The following BMS1 variants were observed in gnomAD, a reference collection of about 807,000 sequenced individuals.
BMS1 encodes BMS1 ribosome biogenesis factor.
In BMS1, 53 loss-of-function variants were observed where a neutral mutation model predicts 138.7. That is an observed-to-expected ratio of 0.38 (90% CI 0.31 to 0.48). The LOEUF is 0.48. Among genes scored for constraint, BMS1 ranks in the 20% least tolerant of loss-of-function variants. The probability of loss-of-function intolerance (pLI) is 0.97; values close to 1 mark genes in which losing one functional copy is unlikely to be tolerated. For synonymous variants in BMS1, 504 were observed against 539.9 expected (o/e 0.93, Z 0.92); for missense variants, 1,360 against 1,565.5 (o/e 0.87, Z 2.22).
intron 19 of BMS1, among the ~76,000 whole-genome samples, chr10:42,822,864 C>T (rs985608208): frequency 1.3e-5 from 2 of 152,216 alleles, no homozygotes; most frequent in African/African-American, 2.4e-5. Context: ...AATCCCTCTT[C>T]GATCTTCTCT....
Position 42,793,066 on chromosome 10 carries a change from G to C in BMS1, c.1011G>C (p.Ala337=), listed in dbSNP as rs781490170. ...CLNEKEKLVY[A]PLSGVGGVLY... ...ATGAGAAGGAGAAGCTGGTTTATGC[G>C]CCTCTTTCTGGAGTTGGGGGTGTGC... The change falls in exon 8 of 23, where the codon GCG becomes GCC. Residue 337 remains alanine, a synonymous_variant. Coordinates refer to ENST00000374518, the MANE Select transcript of BMS1 (RefSeq NM_014753.4). 1 of 1,613,988 alleles carries C rather than the reference G, an allele frequency of 6.2e-7. No individual in the cohort carries two copies. The highest frequency in any genetic ancestry group is 8.5e-7 in the Non-Finnish European group (1 of 1,179,956).
chr10:42,806,720 A>C (rs1564420876), intron 13 of BMS1, among the ~76,000 whole-genome samples: 1 of 146,658 alleles, frequency 6.8e-6, no homozygotes, highest in South Asian at 2.2e-4. Context: ...GGGCGACAGC[A>C]CGAGACTCCG....
intron 12 of BMS1, among the ~76,000 whole-genome samples, 189 bp from the exon 13 acceptor site, chr10:42,801,948 A>C (rs191594531): frequency 1.1e-4 from 16 of 152,300 alleles, no homozygotes; most frequent in African/African-American, 3.6e-4. Flanking sequence ...TCTGCTGCTT[A>C]ATGTGTTTTA....
intron 13 of BMS1, among the ~76,000 whole-genome samples, chr10:42,810,649 C>T (rs944667910): frequency 6.6e-6 from 1 of 152,126 alleles, no homozygotes; most frequent in Non-Finnish European, 1.5e-5. Context: ...ATTCCAGAAG[C>T]TCTTAATTAC....
At position 42,797,487 on chromosome 10, in the gene BMS1, G is replaced by A; in HGVS notation, c.2053G>A (p.Ala685Thr). The change falls in exon 11 of 23, where the codon GCA becomes ACA. Residue 685 changes from alanine to threonine, a missense_variant. Coordinates refer to ENST00000374518, the MANE Select transcript of BMS1 (RefSeq NM_014753.4). ...TGAGGCCTTTCTGAGGCAGCAGCAAGCAGCTCCAAACCTCCGAAAGCTTAT... is the reference window on the plus strand; with the variant it reads ...TGAGGCCTTTCTGAGGCAGCAGCAAACAGCTCCAAACCTCCGAAAGCTTAT... ...AAEAFLRQQQ[A>T]APNLRKLIYG... The A allele has an allele frequency of 6.2e-7, 1 of 1,614,238 alleles. No individual in the cohort carries two copies.
rs567894301 is a variant in BMS1, at chr10:42,793,757, T to G, written c.1090-95T>G. 4.5e-5 allele frequency: 62 copies of G among 1,388,444 alleles called. No individual in the cohort carries two copies. In the African/African-American group the frequency reaches 8.0e-4, roughly 18 times the overall value. The allele number at this position is 1,388,444 out of a possible 1,614,324, so 86.0% of individuals were successfully genotyped here. Reference sequence around the variant, plus strand: ...GGCATTAAGAAAGGTTCTTAGGAAATGTGTCTAAGATAATTTTGAGAAACT... The same window carrying G: ...GGCATTAAGAAAGGTTCTTAGGAAAGGTGTCTAAGATAATTTTGAGAAACT... On this transcript the variant is annotated intron_variant, in intron 8 of 22. Transcript: ENST00000374518.
intron 4 of BMS1, 128 bp downstream of exon 4, chr10:42,787,375 G>T: frequency 1.3e-6 from 1 of 758,142 alleles, no homozygotes; most frequent in East Asian, 2.6e-5. Flanking sequence ...TCAGTGATAC[G>T]GTAGATATGA....
chr10:42,784,482 C>T lies in BMS1; in HGVS notation c.88C>T (p.Gln30Ter). Residue 30 changes from glutamine to a stop codon, truncating the protein, a stop_gained, in exon 2 of 23, where the codon CAG (glutamine) becomes TAG (stop). Transcript: ENST00000374518. LOFTEE classifies it high-confidence loss of function. ...KKKKRLLQDL[Q>*]LGDEEDARKR... ...AAAGAAGCGGCTTCTGCAGGATCTC[C>T]AGCTAGGAGACGAAGAAGATGCCCG... is the stretch of plus-strand genomic sequence containing the variant. 1 of 1,613,984 alleles carries T rather than the reference C, an allele frequency of 6.2e-7. No homozygotes were observed. Among genetic ancestry groups the T allele is most frequent in the Non-Finnish European group, 8.5e-7 (1 of 1,179,864 alleles).
chr10:42,818,856 T>C (rs1415504050), intron 15 of BMS1, among the ~76,000 whole-genome samples: 1 of 152,006 alleles, frequency 6.6e-6, no homozygotes, highest in African/African-American at 2.4e-5. Context: ...GAGCAGTGCC[T>C]AGGAGGGAGA....
In BMS1 at chr10:42,830,855, G is replaced by T. The variant is rs1229911820; in HGVS notation, c.3619-11G>T. ...AGCATTCTGATACTCACCGGCTTTT[G>T]TCCTTGTCAGATCCTTGCACTGCTG... On this transcript the variant is annotated splice_polypyrimidine_tract_variant and intron_variant, in intron 22 of 22. Transcript: ENST00000374518. 6.2e-7 allele frequency: 1 copy of T among 1,602,834 alleles called. No homozygotes were observed. The highest frequency in any genetic ancestry group is 8.5e-7 in the Non-Finnish European group (1 of 1,174,418).
intron 4 of BMS1, among the ~76,000 whole-genome samples, chr10:42,788,668 T>A (rs759301857): frequency 1.2e-4 from 18 of 152,210 alleles, no homozygotes; most frequent in Admixed American, 8.5e-4. Context: ...TTAACCATCA[T>A]TGAGAGAGAT....
Position 42,816,617 on chromosome 10 carries a change from T to C in BMS1, c.2348T>C (p.Phe783Ser). 1 of 1,611,264 alleles carries C rather than the reference T, an allele frequency of 6.2e-7. No individual in the cohort carries two copies. The highest frequency in any genetic ancestry group is 1.1e-5 in the South Asian group (1 of 90,938). ...TTCCCAGAGGAGCTCTACGGTGACT[T>C]TGAAGACTTGGAAACAGGGGACGTG... Reference protein sequence around the residue: ...LAEDEELYGDFEDLETGDVHK... With the variant: ...LAEDEELYGDSEDLETGDVHK... Residue 783 changes from phenylalanine to serine, a missense_variant, in exon 14 of 23, where the codon TTT becomes TCT. Coordinates refer to ENST00000374518, the MANE Select transcript of BMS1 (RefSeq NM_014753.4).
chr10:42,823,539 CTT>C (rs1338248716), intron 20 of BMS1, 68 bp from the exon 21 acceptor site: 3 of 1,393,706 alleles, frequency 2.2e-6, no homozygotes, highest in Non-Finnish European at 2.8e-6. Flanking sequence ...AGGTTTTATT[CTT>C]TGTTTCTTCG....
chr10:42,818,921 T>C (rs1267437011), intron 15 of BMS1, among the ~76,000 whole-genome samples: 1 of 152,146 alleles, frequency 6.6e-6, no homozygotes, highest in Non-Finnish European at 1.5e-5. Context: ...AGGCGAAGCA[T>C]TGTTCAGATC....
At chr10:42,795,876 C>T (rs1841668541) in intron 9 of BMS1, among the ~76,000 whole-genome samples, 1 of 152,122 alleles carries the variant, frequency 6.6e-6, no homozygotes, top group Admixed American at 6.6e-5. Context: ...CTCTTCTCCC[C>T]TTTATTTCGG....
rs979614034 is a variant in BMS1 at position 42,834,350 on chromosome 10, G to A, written c.*3254G>A. ...TTTGAGCAAAGAGGAAAGCCACCGGGTCTGATTCAGCTCTCTGGAGGCTCC... is the reference window on the plus strand; with the variant it reads ...TTTGAGCAAAGAGGAAAGCCACCGGATCTGATTCAGCTCTCTGGAGGCTCC... On this transcript the variant is annotated 3_prime_UTR_variant, in exon 23 of 23. Transcript: ENST00000374518. 2.0e-5 allele frequency: 3 copies of A among 151,936 alleles called. No individual in the cohort carries two copies. Among genetic ancestry groups the A allele is most frequent in the Non-Finnish European group, 4.4e-5 (3 of 68,006 alleles). The allele number at this position is 151,936 out of a possible 1,614,324, so 9.4% of individuals were successfully genotyped here. A position where few individuals can be genotyped will look rare whatever the true frequency, so the allele number is the denominator to read the frequency against.
chr10:42,806,957 C>T (rs1342823883), intron 13 of BMS1, among the ~76,000 whole-genome samples: 2 of 152,234 alleles, frequency 1.3e-5, no homozygotes, highest in East Asian at 3.9e-4. Flanking sequence ...ACTATGTGTA[C>T]TGTAATACAA....
chr10:42,803,677 G>T (rs1333127783), intron 13 of BMS1, among the ~76,000 whole-genome samples: 1 of 152,004 alleles, frequency 6.6e-6, no homozygotes, highest in African/African-American at 2.4e-5. Flanking sequence ...CTTGCTTATT[G>T]TTTTTTCCAT....
At chr10:42,787,370 G>T in intron 4 of BMS1, 123 bp downstream of exon 4, 1 of 774,460 alleles carries the variant, frequency 1.3e-6, no homozygotes, top group Non-Finnish European at 2.2e-6. Context: ...CATCATCAGT[G>T]ATACGGTAGA....
Sources: gnomAD v4.1 joint callset for allele counts (sites outside exome capture counted in the v4.1 genomes callset) on GRCh38, gnomAD v4.1.1 for gene constraint, MANE v1.5 for transcripts, NCBI Gene and HGNC (gene_info 2026-07-23, HGNC 2026-07-21) for gene names.